The following FRAS1 variants were observed in gnomAD, a reference collection of about 807,000 sequenced individuals.
FRAS1 encodes extracellular matrix organizing protein FRAS1.
Under a neutral mutation model 435.2 loss-of-function variants are expected in FRAS1, and 290 were observed. That is an observed-to-expected ratio of 0.67 (90% CI 0.61 to 0.73). The LOEUF is 0.73. Ranked by LOEUF, FRAS1 falls within the 30% of genes least tolerant of loss-of-function variation. FRAS1 has a pLI of 0.00. For synonymous variants in FRAS1, 1,800 were observed against 1,851.0 expected, an observed-to-expected ratio of 0.97 and a Z score of 0.71; for missense variants, 4,860 against 5,001.5, an observed-to-expected ratio of 0.97 and a Z score of 0.85.
At chr4:78,298,946 G>T (rs965846639) in intron 14 of FRAS1, among the ~76,000 whole-genome samples, 3 of 152,160 alleles carry the variant, frequency 2.0e-5, no homozygotes, top group African/African-American at 7.2e-5. Flanking sequence ...GATAAGAGAG[G>T]CATATGCAAC....
At chr4:78,302,866 A>G (rs991315861) in intron 14 of FRAS1, among the ~76,000 whole-genome samples, 4 of 151,936 alleles carry the variant, frequency 2.6e-5, no homozygotes, top group Non-Finnish European at 5.9e-5. Flanking sequence ...GTTTAATTAG[A>G]TCCTATTTGT....
intron 14 of FRAS1, among the ~76,000 whole-genome samples, chr4:78,293,643 G>A (rs1728007878): frequency 6.6e-6 from 1 of 152,156 alleles, no homozygotes; most frequent in Admixed American, 6.5e-5. Context: ...CCATTCAGAA[G>A]GGAAGACAAT....
At chr4:78,252,910 C>A (rs979164637) in intron 5 of FRAS1, among the ~76,000 whole-genome samples, 1 of 152,144 alleles carries the variant, frequency 6.6e-6, no homozygotes, top group African/African-American at 2.4e-5. Context: ...GGGTCTGTGT[C>A]CCGCTGTGCA....
intron 2 of FRAS1, among the ~76,000 whole-genome samples, chr4:78,223,304 A>G (rs780474811): frequency 2.0e-5 from 3 of 152,202 alleles, no homozygotes; most frequent in Non-Finnish European, 2.9e-5. Flanking sequence ...TTCACATGCC[A>G]GTTGTGGCCC....
Position 78,499,839 on chromosome 4 carries a change from G to A in FRAS1, c.9234G>A (p.Lys3078=). 2 of 1,613,606 alleles carry A rather than the reference G, an allele frequency of 1.2e-6. No homozygotes were observed. Among genetic ancestry groups the A allele is most frequent in the Non-Finnish European group, 8.5e-7 (1 of 1,179,596 alleles). ...IRRGDQNRTS[K]VRCSTRDGSA... Reference sequence around the variant, plus strand: ...GAGGGGATCAGAACAGGACCTCCAAGGTTCGCTGCAGCACGCGGGATGGCT... The same window carrying A: ...GAGGGGATCAGAACAGGACCTCCAAAGTTCGCTGCAGCACGCGGGATGGCT... Residue 3078 remains lysine, a synonymous_variant, in exon 61 of 74, where the codon AAG becomes AAA. Transcript: ENST00000512123.
chr4:78,501,816 T>C (rs2109876125), intron 61 of FRAS1, among the ~76,000 whole-genome samples: 1 of 152,344 alleles, frequency 6.6e-6, no homozygotes, highest in African/African-American at 2.4e-5. Context: ...TCCTGAATGG[T>C]ATTGCCTAGG....
chr4:78,089,409 C>A (rs1402742468), intron 2 of FRAS1, among the ~76,000 whole-genome samples: 1 of 151,858 alleles, frequency 6.6e-6, no homozygotes, highest in Non-Finnish European at 1.5e-5. Flanking sequence ...TGCACATGTA[C>A]CCTAACACTT....
chr4:78,447,569 C>T (rs80337745), intron 43 of FRAS1, among the ~76,000 whole-genome samples: 3,942 of 152,236 alleles, frequency 0.026, 172 homozygotes, highest in African/African-American at 0.09. Context: ...GACTGTCCCA[C>T]TGCGGTACAT....
chr4:78,476,007 G>A (rs1241662063), intron 54 of FRAS1, among the ~76,000 whole-genome samples: 1 of 152,206 alleles, frequency 6.6e-6, no homozygotes, highest in Non-Finnish European at 1.5e-5. Context: ...TGAGATGATG[G>A]GAGCTTGGGC....
intron 41 of FRAS1, 103 bp from the exon 42 acceptor site, chr4:78,445,419 A>G (rs376503927): frequency 2.9e-6 from 4 of 1,397,898 alleles, no homozygotes; most frequent in South Asian, 3.7e-5. Context: ...CCTCAAATAC[A>G]TTTTCTTTTT....
At chr4:78,322,119 G>A (rs1291179845) in intron 18 of FRAS1, among the ~76,000 whole-genome samples, 4 of 152,184 alleles carry the variant, frequency 2.6e-5, no homozygotes, top group Non-Finnish European at 2.9e-5. Context: ...TTGGGAAACC[G>A]AGCACAACTA....
At chr4:78,283,224 A>G (rs1467993865) in intron 12 of FRAS1, among the ~76,000 whole-genome samples, 1 of 152,252 alleles carries the variant, frequency 6.6e-6, no homozygotes. Context: ...TGTTGATAAA[A>G]TATGCCTTAT....
intron 19 of FRAS1, among the ~76,000 whole-genome samples, chr4:78,335,493 A>G (rs56242523): frequency 0.37 from 56,589 of 152,120 alleles, 12,298 homozygotes; most frequent in Non-Finnish European, 0.48. Flanking sequence ...CACTTCTGCT[A>G]TATTCTGTTG....
intron 2 of FRAS1, among the ~76,000 whole-genome samples, chr4:78,213,018 C>T (rs537888973): frequency 6.6e-6 from 1 of 152,284 alleles, no homozygotes; most frequent in Non-Finnish European, 1.5e-5. Flanking sequence ...GGGTTTTGCA[C>T]CTCCTTATGG....
intron 2 of FRAS1, among the ~76,000 whole-genome samples, chr4:78,224,193 G>C (rs911525457): frequency 2.6e-5 from 4 of 152,152 alleles, no homozygotes; most frequent in African/African-American, 9.7e-5. Flanking sequence ...TTGATCAGTG[G>C]CTCAAAACTG....
intron 47 of FRAS1, among the ~76,000 whole-genome samples, chr4:78,456,237 A>AG (rs11411071): frequency 0.74 from 109,575 of 148,030 alleles, 40,713 homozygotes; most frequent in African/African-American, 0.79. Context: ...TCCGCCTCCC[A>AG]GATCAAGTGA....
At chr4:78,267,113 C>A in intron 8 of FRAS1, 128 bp from the exon 9 acceptor site, 1 of 986,424 alleles carries the variant, frequency 1.0e-6, no homozygotes, top group Non-Finnish European at 1.5e-6. Context: ...AGGGACCCTG[C>A]CCATCGTGGG....
chr4:78,120,806 A>G (rs1443393644), intron 2 of FRAS1, among the ~76,000 whole-genome samples: 1 of 152,190 alleles, frequency 6.6e-6, no homozygotes, highest in Non-Finnish European at 1.5e-5. Flanking sequence ...CCACAGTCTC[A>G]ACTGAATTAA....
intron 2 of FRAS1, among the ~76,000 whole-genome samples, chr4:78,124,152 A>G (rs528178426): frequency 3.3e-5 from 5 of 152,192 alleles, no homozygotes; most frequent in Admixed American, 1.3e-4. Flanking sequence ...CATTCCATTG[A>G]TATTAGTTTA....
Sources: allele counts gnomAD v4.1 joint callset (sites outside exome capture counted in the v4.1 genomes callset), GRCh38; gene constraint gnomAD v4.1.1; transcripts MANE v1.5; gene names NCBI Gene and HGNC (gene_info 2026-07-23, HGNC 2026-07-21).